Variants in ANOS1 observed in about 807,000 individuals in gnomAD.
The protein encoded by ANOS1 is anosmin 1.
Under a neutral mutation model 59.0 loss-of-function variants are expected in ANOS1, and 6 were observed. The ratio of observed to expected loss-of-function variants is 0.10; its 90% CI spans 0.06 to 0.20. ANOS1 has a LOEUF of 0.20. Among genes scored for constraint, ANOS1 ranks in the 10% least tolerant of loss-of-function variants. The pLI is 1.00. For missense variants in ANOS1, 433 were observed against 542.3 expected (o/e 0.80, Z 2.00); for synonymous variants, 217 against 223.4 (o/e 0.97, Z 0.25).
chrX:8,632,718 T>C (rs1276619428), intron 2 of ANOS1, among the ~76,000 whole-genome samples: 1 of 110,390 alleles, frequency 9.1e-6, no homozygotes, highest in African/African-American at 3.3e-5. Context: ...TAATGCCTTA[T>C]ACTTAATTTT....
intron 3 of ANOS1, among the ~76,000 whole-genome samples, chrX:8,603,400 A>G (rs1930882247): frequency 8.9e-6 from 1 of 112,117 alleles, no homozygotes; most frequent in African/African-American, 3.2e-5. Flanking sequence ...GCTAAAAACT[A>G]AAATGTGGTT....
At chrX:8,534,969 T>C (rs751534099) in intron 12 of ANOS1, among the ~76,000 whole-genome samples, 2 of 111,995 alleles carry the variant, frequency 1.8e-5, no homozygotes, top group African/African-American at 3.3e-5. Context: ...GAATAACTAC[T>C]CTCTAATTCC....
intron 8 of ANOS1, among the ~76,000 whole-genome samples, chrX:8,565,353 T>C (rs1473914577): frequency 6.4e-5 from 7 of 110,070 alleles, no homozygotes; most frequent in Non-Finnish European, 1.1e-4. Flanking sequence ...GAGAAGGGGG[T>C]TGGTAAGGAA....
chrX:8,588,089 T>C (rs759016086), intron 4 of ANOS1, 111 bp from the exon 5 acceptor site: 12 of 738,829 alleles, frequency 1.6e-5, no homozygotes, highest in Non-Finnish European at 2.4e-5. Flanking sequence ...ACAACTGAGA[T>C]TTCCTTTCAT....
intron 2 of ANOS1, among the ~76,000 whole-genome samples, chrX:8,695,248 G>T (rs1401295539): frequency 1.8e-5 from 2 of 111,914 alleles, no homozygotes; most frequent in African/African-American, 6.5e-5. Flanking sequence ...GGAGGCGGAG[G>T]TTGCAGTGAG....
intron 1 of ANOS1, among the ~76,000 whole-genome samples, chrX:8,722,556 G>A (rs1424080046): frequency 9.1e-6 from 1 of 109,883 alleles, no homozygotes; most frequent in East Asian, 2.9e-4. Context: ...ATGTCTGAGT[G>A]GTACTCCATT....
intron 6 of ANOS1, among the ~76,000 whole-genome samples, 181 bp downstream of exon 6, chrX:8,585,086 A>C (rs1404158513): frequency 8.9e-6 from 1 of 111,941 alleles, no homozygotes; most frequent in Non-Finnish European, 1.9e-5. Context: ...TAAAATTCCA[A>C]TTTTGTCCTT....
intron 4 of ANOS1, among the ~76,000 whole-genome samples, chrX:8,595,793 A>C (rs1211841908): frequency 9.0e-6 from 1 of 111,439 alleles, no homozygotes. Context: ...ACTGACTGGT[A>C]GCAGTCTGTG....
intron 2 of ANOS1, among the ~76,000 whole-genome samples, chrX:8,670,312 A>C (rs1454838805): frequency 9.0e-6 from 1 of 111,286 alleles, no homozygotes; most frequent in Non-Finnish European, 1.9e-5. Context: ...TGCAAGGTAA[A>C]GTTTTATTTT....
chrX:8,707,615 C>T (rs982970938), intron 1 of ANOS1, among the ~76,000 whole-genome samples: 2 of 111,734 alleles, frequency 1.8e-5, no homozygotes, highest in African/African-American at 6.5e-5. Flanking sequence ...CTAAACAATA[C>T]AGTGTAACAG....
intron 2 of ANOS1, among the ~76,000 whole-genome samples, chrX:8,678,036 C>G (rs183475951): frequency 4.5e-4 from 50 of 112,150 alleles, no homozygotes; most frequent in African/African-American, 1.6e-3. Flanking sequence ...CAGGCAAGGT[C>G]TGGATTGTTC....
chrX:8,629,569 G>A (rs1183737725), intron 2 of ANOS1, among the ~76,000 whole-genome samples: 1 of 111,450 alleles, frequency 9.0e-6, no homozygotes, highest in African/African-American at 3.3e-5. Context: ...TAGGTGTTAC[G>A]CATTCCAAGA....
chrX:8,669,177 G>C lies in ANOS1; in HGVS notation c.255+30521C>G, dbSNP rs1255936622. ...TAAGCGGAAATAGCCAAAAGAGAAA[G>C]GGAAAATATCGTCTCTTATGAAGAC... is the stretch of plus-strand genomic sequence containing the variant. On this transcript the variant is annotated intron_variant, in intron 2 of 13. Coordinates refer to ENST00000262648, the MANE Select transcript of ANOS1 (RefSeq NM_000216.4). Among the ~76,000 whole-genome samples the C allele has an allele frequency of 6.3e-5, 7 of 111,718 alleles. No individual in the cohort carries two copies. In the Admixed American group the frequency reaches 6.7e-4, roughly 11 times the overall value.
chrX:8,593,532 A>C (rs1225085803), intron 4 of ANOS1, among the ~76,000 whole-genome samples: 1 of 112,395 alleles, frequency 8.9e-6, no homozygotes, highest in Non-Finnish European at 1.9e-5. Context: ...ATCTAGTTTT[A>C]TACGCTTCAA....
chrX:8,621,278 A>G (rs1931287986), intron 3 of ANOS1, among the ~76,000 whole-genome samples: 1 of 109,985 alleles, frequency 9.1e-6, no homozygotes, highest in South Asian at 4.0e-4. Flanking sequence ...AGGCACGAGA[A>G]TCACTTGAAC....
At chrX:8,683,849 C>A (rs1298947742) in intron 2 of ANOS1, among the ~76,000 whole-genome samples, 1 of 111,886 alleles carries the variant, frequency 8.9e-6, no homozygotes, top group African/African-American at 3.3e-5. Flanking sequence ...AGGAGGTAAC[C>A]TCTCAGCAGA....
chrX:8,603,263 C>G (rs1041461053), intron 3 of ANOS1, among the ~76,000 whole-genome samples: 1 of 111,728 alleles, frequency 9.0e-6, no homozygotes, highest in African/African-American at 3.3e-5. Context: ...AGAAAAATAT[C>G]TTTGAGGTGC....
In ANOS1 at chrX:8,529,052, T is replaced by C. The variant is rs1416601508; in HGVS notation, c.*3943A>G. 8.9e-6 allele frequency: 1 copy of C among 112,364 alleles called. No individual in the cohort carries two copies. 9.3% of individuals were successfully genotyped at this position (112,364 alleles called of 1,213,427 possible). Reference sequence around the variant, plus strand: ...TACACAAAAATCCAACTTTTTTTATTACATACATAAATAAATATTGACTTT... The same window carrying C: ...TACACAAAAATCCAACTTTTTTTATCACATACATAAATAAATATTGACTTT... On this transcript the variant is annotated 3_prime_UTR_variant, in exon 14 of 14. Coordinates refer to ENST00000262648, the MANE Select transcript of ANOS1 (RefSeq NM_000216.4).
At chrX:8,593,092 T>A (rs948340518) in intron 4 of ANOS1, among the ~76,000 whole-genome samples, 6 of 112,246 alleles carry the variant, frequency 5.3e-5, no homozygotes, top group Admixed American at 1.9e-4. Flanking sequence ...AAAATATTTT[T>A]AAAAATTAAT....
Sources: gnomAD v4.1 joint callset for allele counts (sites outside exome capture counted in the v4.1 genomes callset) on GRCh38, gnomAD v4.1.1 for gene constraint, MANE v1.5 for transcripts, NCBI Gene and HGNC (gene_info 2026-07-23, HGNC 2026-07-21) for gene names.